The following DNER variants were observed in gnomAD, a reference collection of about 807,000 sequenced individuals.
DNER encodes the protein delta and Notch-like epidermal growth factor-related receptor.
In DNER, 33 loss-of-function variants were observed where a neutral mutation model predicts 78.2. The ratio of observed to expected loss-of-function variants is 0.42; its 90% CI spans 0.32 to 0.56. The LOEUF is 0.56. Ranked by LOEUF, DNER falls within the 20% of genes least tolerant of loss-of-function variation. DNER has a pLI of 0.11. For missense variants in DNER, 918 were observed against 975.3 expected, an observed-to-expected ratio of 0.94 and a Z score of 0.78; for synonymous variants, 417 against 384.8, an observed-to-expected ratio of 1.08 and a Z score of -0.98.
chr2:229,546,782 T>C (rs949259067), intron 5 of DNER, among the ~76,000 whole-genome samples, 165 bp downstream of exon 5: 6 of 147,406 alleles, frequency 4.1e-5, no homozygotes, highest in Admixed American at 6.8e-5. Flanking sequence ...GACAGACAGA[T>C]AGACAGATAG....
At chr2:229,511,296 T>C (rs1695859770) in intron 6 of DNER, among the ~76,000 whole-genome samples, 1 of 152,148 alleles carries the variant, frequency 6.6e-6, no homozygotes, top group South Asian at 2.1e-4. Context: ...TATAACAAAA[T>C]AAGAACAACT....
chr2:229,570,435 T>C (rs991675566), intron 4 of DNER, among the ~76,000 whole-genome samples: 1 of 152,166 alleles, frequency 6.6e-6, no homozygotes, highest in African/African-American at 2.4e-5. Context: ...GAGACCAGCC[T>C]GACCAACATG....
intron 1 of DNER, among the ~76,000 whole-genome samples, chr2:229,680,653 T>C (rs1358166324): frequency 2.0e-5 from 3 of 152,260 alleles, no homozygotes; most frequent in African/African-American, 7.2e-5. Flanking sequence ...TAAGCAGTGC[T>C]ATGTGTTGGT....
intron 1 of DNER, among the ~76,000 whole-genome samples, chr2:229,669,165 A>G (rs1167767520): frequency 6.6e-6 from 1 of 152,070 alleles, no homozygotes; most frequent in Non-Finnish European, 1.5e-5. Flanking sequence ...GAGTTGAACA[A>G]TGAGAATACA....
At chr2:229,514,631 T>C (rs1695932459) in intron 5 of DNER, among the ~76,000 whole-genome samples, 1 of 152,242 alleles carries the variant, frequency 6.6e-6, no homozygotes, top group Non-Finnish European at 1.5e-5. Flanking sequence ...GGTTTTAATA[T>C]GGCTGGCTTC....
chr2:229,377,072 G>A (rs879760357), intron 11 of DNER, among the ~76,000 whole-genome samples: 29 of 152,204 alleles, frequency 1.9e-4, no homozygotes, highest in Admixed American at 1.4e-3. Context: ...AAAGCCTTAC[G>A]GTGACTCATC....
intron 8 of DNER, among the ~76,000 whole-genome samples, chr2:229,432,667 C>T (rs1295880791): frequency 6.6e-6 from 1 of 152,128 alleles, no homozygotes; most frequent in Admixed American, 6.5e-5. Flanking sequence ...TCAACACCAC[C>T]TGGGAACTAG....
intron 1 of DNER, among the ~76,000 whole-genome samples, chr2:229,674,646 G>C (rs1297757825): frequency 1.3e-5 from 2 of 152,148 alleles, no homozygotes; most frequent in Non-Finnish European, 2.9e-5. Context: ...CCTGAGCACT[G>C]TTCCCTAGGG....
In DNER at chr2:229,364,449, G is replaced by T. The variant is rs186313255; in HGVS notation, c.2102+2424C>A. ...ATAAAGAGTCAAATAAACAATTAAGGTGGGGCTTGCAAGGGTTGGTATCAG... is the reference window on the plus strand; with the variant it reads ...ATAAAGAGTCAAATAAACAATTAAGTTGGGGCTTGCAAGGGTTGGTATCAG... On this transcript the variant is annotated intron_variant, in intron 12 of 12. Coordinates refer to ENST00000341772, the MANE Select transcript of DNER (RefSeq NM_139072.4). 2.6e-5 allele frequency among the ~76,000 whole-genome samples: 4 copies of T among 152,260 alleles called. No individual in the cohort carries two copies. The East Asian group carries it at 7.7e-4, about 29-fold the overall frequency.
chr2:229,708,276 C>T (rs1699859386), intron 1 of DNER, among the ~76,000 whole-genome samples: 1 of 152,142 alleles, frequency 6.6e-6, no homozygotes, highest in African/African-American at 2.4e-5. Flanking sequence ...CCTAGTCATA[C>T]AGTAGAATCA....
At chr2:229,564,846 A>G (rs746221168) in intron 4 of DNER, among the ~76,000 whole-genome samples, 1 of 152,150 alleles carries the variant, frequency 6.6e-6, no homozygotes, top group Non-Finnish European at 1.5e-5. Flanking sequence ...CTTTAAAACA[A>G]AGGAAATTTA....
At chr2:229,399,466 T>A (rs967456780) in intron 10 of DNER, among the ~76,000 whole-genome samples, 1 of 152,052 alleles carries the variant, frequency 6.6e-6, no homozygotes, top group African/African-American at 2.4e-5. Context: ...ATATTGATTC[T>A]TCCCCAAATT....
chr2:229,392,195 CT>C (rs779742847), intron 10 of DNER, among the ~76,000 whole-genome samples: 17 of 150,594 alleles, frequency 1.1e-4, no homozygotes, highest in African/African-American at 3.7e-4. Context: ...TTATTTCTAA[CT>C]TTTTTTTATC....
chr2:229,650,153 C>T (rs1026012138), intron 1 of DNER, among the ~76,000 whole-genome samples: 6 of 150,874 alleles, frequency 4.0e-5, no homozygotes, highest in Non-Finnish European at 5.9e-5. Flanking sequence ...ATGAAATAAA[C>T]GCAAGAAACC....
Position 229,393,249 on chromosome 2 carries a change from G to A in DNER, c.1724-4853C>T, listed in dbSNP as rs184817930. Among the ~76,000 whole-genome samples, 909 of 151,942 alleles carry A rather than the reference G, an allele frequency of 6.0e-3. 8 individuals are homozygous for A. The highest frequency in any genetic ancestry group is 0.02 in the African/African-American group (833 of 41,454). On this transcript the variant is annotated intron_variant, in intron 10 of 12. Transcript: ENST00000341772. ...TCGAGACTAGCCTGGGCAACATGGCGAAACCCCGTCTCTACTAAAAATACA... is the reference window on the plus strand; with the variant it reads ...TCGAGACTAGCCTGGGCAACATGGCAAAACCCCGTCTCTACTAAAAATACA...
intron 3 of DNER, chr2:229,586,550 A>C (rs1272942328): frequency 5.8e-4 from 47 of 80,624 alleles, no homozygotes; most frequent in Non-Finnish European, 7.4e-4. Context: ...AAAAAAAAAA[A>C]CACACAAAAC....
intron 10 of DNER, among the ~76,000 whole-genome samples, chr2:229,399,172 TAC>T (rs1693212363): frequency 7.0e-6 from 1 of 143,496 alleles, no homozygotes. Flanking sequence ...CCAAGAAATC[TAC>T]AAAAAAAAAA....
intron 1 of DNER, among the ~76,000 whole-genome samples, chr2:229,614,785 C>A (rs375770622): frequency 1.4e-4 from 21 of 152,294 alleles, no homozygotes; most frequent in African/African-American, 5.1e-4. Context: ...GCCCACTTTC[C>A]TCATGGCTGG....
At chr2:229,414,730 T>C (rs1171440474) in intron 9 of DNER, among the ~76,000 whole-genome samples, 1 of 152,180 alleles carries the variant, frequency 6.6e-6, no homozygotes, top group Non-Finnish European at 1.5e-5. Context: ...CACACCCTTG[T>C]GTAATTCCCT....
Sources: gnomAD v4.1 joint callset for allele counts (sites outside exome capture counted in the v4.1 genomes callset) on GRCh38, gnomAD v4.1.1 for gene constraint, MANE v1.5 for transcripts, NCBI Gene and HGNC (gene_info 2026-07-23, HGNC 2026-07-21) for gene names.